ICA1: variants seen among roughly 807,000 people sequenced by gnomAD.
ICA1 encodes 69 kDa islet cell autoantigen.
In ICA1, 40 loss-of-function variants were observed where a neutral mutation model predicts 71.0. The ratio of observed to expected loss-of-function variants is 0.56; its 90% CI spans 0.44 to 0.73. The LOEUF (loss-of-function observed/expected upper bound fraction) is 0.73, where lower values mean the gene tolerates loss of function less well. Among genes scored for constraint, ICA1 ranks in the 30% least tolerant of loss-of-function variants. ICA1 has a pLI of 0.00. For synonymous variants in ICA1, 207 were observed against 209.5 expected, an observed-to-expected ratio of 0.99 and a Z score of 0.10; for missense variants, 578 against 576.5, an observed-to-expected ratio of 1.00 and a Z score of -0.03.
chr7:8,242,685 A>G (rs1241449357), intron 1 of ICA1, among the ~76,000 whole-genome samples: 3 of 152,212 alleles, frequency 2.0e-5, no homozygotes, highest in Non-Finnish European at 2.9e-5. Flanking sequence ...AATAAAGAAG[A>G]AAAGAGAGAA....
rs1798769617 is a variant in ICA1 at position 8,226,933 on chromosome 7, T to C, written c.256+1668A>G. ...GAAACACTAATATACGTAGGAAGCA[T>C]AATTTCTGTTTAGAGAATCACTATT... On this transcript the variant is annotated intron_variant, in intron 4 of 13. Transcript: ENST00000402384. The surrounding 1 kb of genome is among the most constrained non-coding windows in gnomAD (Gnocchi z 4.4). 2.6e-5 allele frequency among the ~76,000 whole-genome samples: 4 copies of C among 152,232 alleles called. No homozygotes were observed. The South Asian group carries it at 8.3e-4, about 31-fold the overall frequency.
intron 1 of ICA1, among the ~76,000 whole-genome samples, chr7:8,260,762 A>C (rs1349737282): frequency 1.3e-5 from 2 of 152,272 alleles, no homozygotes; most frequent in Admixed American, 6.5e-5. Context: ...CTTTGGTTTG[A>C]AAACTTACTT....
intron 6 of ICA1, among the ~76,000 whole-genome samples, chr7:8,215,568 T>A (rs1269176547): frequency 6.6e-6 from 1 of 152,198 alleles, no homozygotes; most frequent in African/African-American, 2.4e-5. Flanking sequence ...TCTGCCTCCT[T>A]ACTGCTGTAT....
intron 1 of ICA1, among the ~76,000 whole-genome samples, chr7:8,246,245 G>A (rs944047282): frequency 2.0e-5 from 3 of 152,224 alleles, no homozygotes; most frequent in African/African-American, 7.2e-5. Flanking sequence ...TCGCATGAAT[G>A]TTTGTGTTTC....
intron 9 of ICA1, 150 bp from the exon 10 acceptor site, chr7:8,141,967 A>G (rs2128126479): frequency 6.6e-7 from 1 of 1,508,018 alleles, no homozygotes; most frequent in East Asian, 2.6e-5. Context: ...ATAGTCATTT[A>G]CATGCCAATT....
chr7:8,224,248 T>C (rs1170506493), intron 4 of ICA1, among the ~76,000 whole-genome samples: 2 of 152,116 alleles, frequency 1.3e-5, no homozygotes, highest in Non-Finnish European at 2.9e-5. Flanking sequence ...TGAATGACGA[T>C]AGCCTTGGGA....
rs375308073 is a variant in ICA1, at chr7:8,218,503, C to G, written c.381G>C (p.Arg127Ser). ...GKALCFSSQQ[R>S]LALRNPLCRF... ...GACACAAAGGATTTCGTAAGGCCAACCTAGACAAGAGGACAAAGCCACACT... is the reference window on the plus strand; with the variant it reads ...GACACAAAGGATTTCGTAAGGCCAAGCTAGACAAGAGGACAAAGCCACACT... The change falls in exon 6 of 14, where the codon AGG (arginine) becomes AGC (serine). Residue 127 changes from arginine (R) to serine (S), a missense_variant and splice_region_variant. Coordinates refer to ENST00000402384, the MANE Select transcript of ICA1 (RefSeq NM_001136020.3). The G allele has an allele frequency of 6.2e-7, 1 of 1,613,798 alleles. No homozygotes were observed. Among genetic ancestry groups the G allele is most frequent in the African/African-American group, 1.3e-5 (1 of 74,900 alleles).
chr7:8,204,091 C>T (rs1790669313), intron 6 of ICA1, among the ~76,000 whole-genome samples: 1 of 152,118 alleles, frequency 6.6e-6, no homozygotes, highest in Non-Finnish European at 1.5e-5. Context: ...CCAAATACTC[C>T]TTAAGGGTGC....
At chr7:8,176,761 A>AC (rs1345917345) in intron 6 of ICA1, among the ~76,000 whole-genome samples, 2 of 152,044 alleles carry the variant, frequency 1.3e-5, no homozygotes, top group African/African-American at 4.8e-5. Flanking sequence ...CACCACCACC[A>AC]CCACTTACTG....
chr7:8,257,444 T>C (rs1810600256), intron 1 of ICA1, among the ~76,000 whole-genome samples: 1 of 152,196 alleles, frequency 6.6e-6, no homozygotes, highest in South Asian at 2.1e-4. Flanking sequence ...TCTTGGAACA[T>C]TGTTGCAATA....
intron 8 of ICA1, among the ~76,000 whole-genome samples, chr7:8,145,748 GTA>G (rs920747747): frequency 2.8e-5 from 4 of 141,238 alleles, no homozygotes; most frequent in Non-Finnish European, 6.2e-5. Flanking sequence ...GAATCATTGT[GTA>G]TATATATATA....
intron 12 of ICA1, among the ~76,000 whole-genome samples, chr7:8,129,380 A>ATTTTT (rs1172804880): frequency 2.0e-5 from 3 of 149,230 alleles, no homozygotes; most frequent in African/African-American, 7.6e-5. Flanking sequence ...TTTTTTTAAA[A>ATTTTT]AAAAAAAAGT....
At chr7:8,145,872 ACGT>A (rs1796715793) in intron 8 of ICA1, among the ~76,000 whole-genome samples, 1 of 151,920 alleles carries the variant, frequency 6.6e-6, no homozygotes, top group Admixed American at 6.6e-5. Context: ...TATAAAAAAG[ACGT>A]TATATACCTT....
At chr7:8,206,653 A>C (rs1791641629) in intron 6 of ICA1, among the ~76,000 whole-genome samples, 1 of 149,062 alleles carries the variant, frequency 6.7e-6, no homozygotes. Flanking sequence ...AGCTCATCTC[A>C]TCCCCCAACT....
chr7:8,260,122 TGA>T (rs1186623488), intron 1 of ICA1, among the ~76,000 whole-genome samples: 2 of 152,196 alleles, frequency 1.3e-5, no homozygotes, highest in Non-Finnish European at 2.9e-5. Flanking sequence ...CTCTCTCGCA[TGA>T]GGTTTCTATA....
At chr7:8,240,993 A>T (rs1422778453) in intron 1 of ICA1, among the ~76,000 whole-genome samples, 1 of 152,244 alleles carries the variant, frequency 6.6e-6, no homozygotes, top group East Asian at 1.9e-4. Context: ...AACAGTCTTC[A>T]GGATATTATC....
At chr7:8,221,230 T>G in intron 5 of ICA1, 45 bp downstream of exon 5, 2 of 1,609,976 alleles carry the variant, frequency 1.2e-6, no homozygotes, top group Non-Finnish European at 1.7e-6. Context: ...GGTCCCGGAG[T>G]CTCCTCAGAT....
intron 6 of ICA1, among the ~76,000 whole-genome samples, chr7:8,197,604 T>G (rs1788150130): frequency 7.1e-6 from 1 of 140,212 alleles, no homozygotes; most frequent in Admixed American, 7.0e-5. Context: ...ATAATAATAA[T>G]AATAATAATA....
intron 8 of ICA1, among the ~76,000 whole-genome samples, chr7:8,155,430 TC>T (rs1230536155): frequency 2.0e-5 from 3 of 152,206 alleles, no homozygotes; most frequent in Admixed American, 2.0e-4. Flanking sequence ...AGCCATATTT[TC>T]CTCAGCACAG....
Sources: gnomAD v4.1 joint callset for allele counts (sites outside exome capture counted in the v4.1 genomes callset) on GRCh38, gnomAD v4.1.1 for gene constraint, Gnocchi (gnomAD v3.1) non-coding constraint, MANE v1.5 for transcripts, NCBI Gene and HGNC (gene_info 2026-07-23, HGNC 2026-07-21) for gene names.